CAPN13: variants seen among roughly 807,000 people sequenced by gnomAD.
CAPN13 encodes the protein calpain 13.
A neutral mutation model predicts 98.4 loss-of-function variants in CAPN13; 90 were observed. That is an observed-to-expected ratio of 0.92 (90% CI 0.77 to 1.09). The LOEUF (loss-of-function observed/expected upper bound fraction) is 1.09. CAPN13 is among the 50% of genes least tolerant of loss of function. CAPN13 has a pLI of 0.00. For synonymous variants in CAPN13, 330 were observed against 305.5 expected (o/e 1.08, Z -0.84); for missense variants, 887 against 841.3 (o/e 1.05, Z -0.67).
At chr2:30,752,375 T>C (rs1672218017) in intron 10 of CAPN13, among the ~76,000 whole-genome samples, 1 of 152,206 alleles carries the variant, frequency 6.6e-6, no homozygotes, top group Non-Finnish European at 1.5e-5. Context: ...CAGGGAGCTA[T>C]TTCACTCAAC....
At chr2:30,789,848 G>C (rs995763770) in intron 1 of CAPN13, among the ~76,000 whole-genome samples, 3 of 152,252 alleles carry the variant, frequency 2.0e-5, no homozygotes, top group African/African-American at 7.2e-5. Context: ...TCATACCCAG[G>C]ACAGGCTAGG....
chr2:30,739,643 G>A (rs996824382), intron 15 of CAPN13, among the ~76,000 whole-genome samples: 2 of 152,144 alleles, frequency 1.3e-5, no homozygotes, highest in Non-Finnish European at 2.9e-5. Context: ...CAGTTAGCAT[G>A]CTAATGAGGA....
intron 1 of CAPN13, among the ~76,000 whole-genome samples, chr2:30,800,705 C>T (rs867124416): frequency 6.6e-6 from 1 of 152,296 alleles, no homozygotes; most frequent in Non-Finnish European, 1.5e-5. Context: ...TAGGAACCCA[C>T]AGAATGTATT....
chr2:30,758,694 G>A (rs2148007381), intron 7 of CAPN13, among the ~76,000 whole-genome samples: 1 of 152,224 alleles, frequency 6.6e-6, no homozygotes, highest in African/African-American at 2.4e-5. Flanking sequence ...GCATCCCGGA[G>A]CTGATGAGAC....
At position 30,751,206 on chromosome 2, in the gene CAPN13, G is replaced by A. The variant is rs375378227; in HGVS notation, c.1133C>T (p.Pro378Leu). Residue 378 changes from proline (P) to leucine (L), a missense_variant, in exon 11 of 23, where the codon CCA becomes CTA. Physicochemically the swap from Pro to Leu is moderately conservative, Grantham distance 98 (BLOSUM62 -3). Transcript: ENST00000295055. ...DAQFNFSVQE[P>L]MEGTNVVVCV... ...CACGACAACATTGGTGCCTTCCATT[G>A]GCTCTTGCACAGAGAAGTTGAATTG... is the stretch of plus-strand genomic sequence containing the variant. The A allele has an allele frequency of 4.3e-5, 70 of 1,613,834 alleles. No individual in the cohort carries two copies. In the African/African-American group the frequency reaches 7.9e-4, roughly 18 times the overall value.
At chr2:30,800,149 A>AAAGAAAGAAAGAAAGT (rs879486817) in intron 1 of CAPN13, among the ~76,000 whole-genome samples, 18 of 148,908 alleles carry the variant, frequency 1.2e-4, no homozygotes, top group African/African-American at 4.1e-4. Context: ...AGAAAGAAAG[A>AAAGAAAGAAAGAAAGT]AAGAAAGAAA....
chr2:30,788,065 G>T (rs548299034), intron 1 of CAPN13, among the ~76,000 whole-genome samples: 2 of 152,208 alleles, frequency 1.3e-5, no homozygotes, highest in East Asian at 3.9e-4. Flanking sequence ...TAACTTTATA[G>T]GTGGAGAATT....
chr2:30,753,457 A>G (rs1470541276), intron 9 of CAPN13, among the ~76,000 whole-genome samples: 1 of 152,146 alleles, frequency 6.6e-6, no homozygotes, highest in Non-Finnish European at 1.5e-5. Context: ...TCCTTAACCC[A>G]TTGATCCGAT....
chr2:30,795,374 C>T (rs553561463), intron 1 of CAPN13, among the ~76,000 whole-genome samples: 6 of 152,172 alleles, frequency 3.9e-5, no homozygotes, highest in Admixed American at 1.3e-4. Context: ...TTTATAATTT[C>T]ACCAACAGTG....
At chr2:30,773,204 T>A (rs971218760) in intron 4 of CAPN13, among the ~76,000 whole-genome samples, 4 of 152,224 alleles carry the variant, frequency 2.6e-5, no homozygotes, top group African/African-American at 9.6e-5. Context: ...ACATGAGATT[T>A]TTCTTCTGCA....
chr2:30,778,707 G>C (rs374250669), intron 2 of CAPN13, among the ~76,000 whole-genome samples: 1 of 152,148 alleles, frequency 6.6e-6, no homozygotes. Context: ...AGGTGTGCCC[G>C]CCTGCAAACA....
chr2:30,774,552 G>C (rs1558329172), intron 4 of CAPN13, among the ~76,000 whole-genome samples: 1 of 152,126 alleles, frequency 6.6e-6, no homozygotes, highest in Non-Finnish European at 1.5e-5. Context: ...CAATATATTT[G>C]AAAATACCGA....
At chr2:30,751,279 C>A (rs1672165238) in intron 10 of CAPN13, 28 bp from the exon 11 acceptor site, 1 of 1,609,980 alleles carries the variant, frequency 6.2e-7, no homozygotes, top group Admixed American at 1.7e-5. Context: ...GTTACTAGAG[C>A]TCAGCTCCAC....
In CAPN13 at chr2:30,777,596, CT is replaced by C; in HGVS notation, c.241del (p.Ser81AlafsTer22). The C allele has an allele frequency of 1.3e-6, 2 of 1,580,836 alleles. No individual in the cohort carries two copies. The highest frequency in any genetic ancestry group is 2.3e-5 in the East Asian group (1 of 43,772). On this transcript the variant is annotated frameshift_variant, in exon 3 of 23. Transcript: ENST00000295055. LOFTEE classifies it high-confidence loss of function. Reference sequence around the variant, plus strand: ...GCCTCCTTGTTGGATGTCAAATCTGCTTATATCATCCAGGATGAAGTGAGGA... The same window carrying C: ...GCCTCCTTGTTGGATGTCAAATCTGCTATATCATCCAGGATGAAGTGAGGA... Reference protein sequence around the residue: ...GPPHFILDDISRFDIQQGGAA... With the variant: ...GPPHFILDDIXRFDIQQGGAA...
intron 1 of CAPN13, among the ~76,000 whole-genome samples, chr2:30,788,257 T>C (rs1010313645): frequency 1.3e-5 from 2 of 152,218 alleles, no homozygotes; most frequent in Non-Finnish European, 2.9e-5. Context: ...ATGAATCTCA[T>C]AGGTTTGTTA....
chr2:30,769,137 T>C (rs1673257085), intron 5 of CAPN13, among the ~76,000 whole-genome samples: 1 of 152,134 alleles, frequency 6.6e-6, no homozygotes, highest in African/African-American at 2.4e-5. Flanking sequence ...CCATGAAGTG[T>C]ACCCACCCAT....
intron 2 of CAPN13, among the ~76,000 whole-genome samples, chr2:30,778,223 T>G (rs1451642503): frequency 6.6e-6 from 1 of 152,200 alleles, no homozygotes; most frequent in Non-Finnish European, 1.5e-5. Context: ...GAGGAGCTGG[T>G]ACTCAGTGCC....
At chr2:30,760,944 T>C (rs1672820799) in intron 7 of CAPN13, among the ~76,000 whole-genome samples, 1 of 152,240 alleles carries the variant, frequency 6.6e-6, no homozygotes, top group Admixed American at 6.5e-5. Context: ...TTATCTACCC[T>C]GCAGTAGTAC....
intron 2 of CAPN13, among the ~76,000 whole-genome samples, chr2:30,778,596 A>T (rs1002241444): frequency 1.8e-4 from 27 of 152,354 alleles, no homozygotes; most frequent in Admixed American, 5.2e-4. Context: ...TCATTTGCTC[A>T]GTAGCCATTC....
Sources: gnomAD v4.1 joint callset for allele counts (sites outside exome capture counted in the v4.1 genomes callset) on GRCh38, gnomAD v4.1.1 for gene constraint, MANE v1.5 for transcripts, NCBI Gene and HGNC (gene_info 2026-07-23, HGNC 2026-07-21) for gene names.